The following CNOT2 variants were observed in gnomAD, a reference collection of about 807,000 sequenced individuals.
CNOT2 encodes the protein CC chemokine receptor 4-negative regulator of transcription 2.
In CNOT2, 7 loss-of-function variants were observed where a neutral mutation model predicts 72.1. The observed-to-expected ratio is 0.10, with a 90% CI of 0.06 to 0.18. The LOEUF (loss-of-function observed/expected upper bound fraction) is 0.18, where lower values mean the gene tolerates loss of function less well. CNOT2 is among the 10% of genes least tolerant of loss of function. The pLI is 1.00. For synonymous variants in CNOT2, 196 were observed against 225.6 expected (o/e 0.87, Z 1.17); for missense variants, 345 against 660.3 (o/e 0.52, Z 5.23).
At position 70,278,277 on chromosome 12, in the gene CNOT2, A is replaced by G. The variant is rs769070211; in HGVS notation, c.48+3A>G. On this transcript the variant is annotated splice_donor_region_variant and intron_variant, in intron 2 of 15. Coordinates refer to ENST00000229195, the MANE Select transcript of CNOT2 (RefSeq NM_014515.7). ...TATCTGAGAAAAGAAACTACCAGGT[A>G]AGACCAGTCTTTCTTCTTTTTTCTC... The G allele has an allele frequency of 1.8e-5, 28 of 1,598,582 alleles. No homozygotes were observed. The highest frequency in any genetic ancestry group is 2.4e-5 in the Non-Finnish European group (28 of 1,166,024).
chr12:70,249,674 G>A (rs1958044695), intron 1 of CNOT2, among the ~76,000 whole-genome samples: 1 of 152,054 alleles, frequency 6.6e-6, no homozygotes, highest in Non-Finnish European at 1.5e-5. Flanking sequence ...ACAAGCAGCA[G>A]TAGGAAATTT....
chr12:70,293,387 G>T (rs1029530390), intron 2 of CNOT2, among the ~76,000 whole-genome samples: 9 of 152,094 alleles, frequency 5.9e-5, no homozygotes, highest in Admixed American at 5.9e-4. Context: ...TCAAACTCCC[G>T]ACCTCAGGTG....
rs538750102 is a variant in CNOT2, at chr12:70,312,028, T to C, written c.171+1011T>C. Among the ~76,000 whole-genome samples the C allele has an allele frequency of 2.0e-5, 3 of 152,100 alleles. No individual in the cohort carries two copies. The East Asian group carries it at 5.8e-4, about 29-fold the overall frequency. On this transcript the variant is annotated intron_variant, in intron 3 of 15. Transcript: ENST00000229195. ...TCTGTTTTTGTATTTTCCTTTTTTA[T>C]TTTGATTTGAACATTCTTGTGTCAT... is the stretch of plus-strand genomic sequence containing the variant.
Position 70,283,647 on chromosome 12 carries a change from TAA to T in CNOT2, c.48+5392_48+5393del, listed in dbSNP as rs34501610. On this transcript the variant is annotated intron_variant, in intron 2 of 15. Coordinates refer to ENST00000229195, the MANE Select transcript of CNOT2 (RefSeq NM_014515.7). ...GAGCGACCTAATGAAAGAATGAGTT[TAA>T]AAAAAAAAAAAAAAAAAAGGAAAAA... Among the ~76,000 whole-genome samples, 699 of 122,874 alleles carry T rather than the reference TAA, an allele frequency of 5.7e-3. 6 individuals are homozygous for T. Among genetic ancestry groups the T allele is most frequent in the African/African-American group, 0.02 (633 of 32,422 alleles). 80.6% of individuals were successfully genotyped at this position (122,874 alleles called of 152,430 possible).
At position 70,310,941 on chromosome 12, in the gene CNOT2, G is replaced by A. The variant is rs768196233; in HGVS notation, c.95G>A (p.Gly32Glu). The A allele has an allele frequency of 1.1e-4, 178 of 1,610,628 alleles. No individual in the cohort carries two copies. Among genetic ancestry groups the A allele is most frequent in the Non-Finnish European group, 1.4e-4 (169 of 1,177,484 alleles). Residue 32 changes from glycine to glutamate, a missense_variant, in exon 3 of 16, where the codon GGG (glycine) becomes GAG (glutamate). By Grantham distance (98) the Gly-to-Glu change is moderately conservative. Transcript: ENST00000229195. ...FGASRKKFVEGVDSDYHDENM... is the reference protein window; with the variant it reads ...FGASRKKFVEEVDSDYHDENM... ...GCTTCAAGAAAGAAGTTTGTAGAGG[G>A]GGTCGACAGTGACTACCATGACGAA...
chr12:70,317,914 C>T (rs1438203420), intron 3 of CNOT2, among the ~76,000 whole-genome samples: 1 of 151,862 alleles, frequency 6.6e-6, no homozygotes, highest in African/African-American at 2.4e-5. Flanking sequence ...TGTTTCACTT[C>T]TTGGTTTTTC....
chr12:70,271,846 T>G (rs1420073565), intron 1 of CNOT2, among the ~76,000 whole-genome samples: 1 of 152,340 alleles, frequency 6.6e-6, no homozygotes, highest in Non-Finnish European at 1.5e-5. Flanking sequence ...TATTTGCCTT[T>G]AAGGTCTTGT....
chr12:70,339,999 C>T (rs529424561), intron 11 of CNOT2, among the ~76,000 whole-genome samples: 4 of 152,286 alleles, frequency 2.6e-5, no homozygotes, highest in Non-Finnish European at 4.4e-5. Flanking sequence ...TTACTTCTCT[C>T]ATCTTAGAAG....
intron 11 of CNOT2, 83 bp downstream of exon 11, chr12:70,338,905 C>G: frequency 8.8e-7 from 1 of 1,142,338 alleles, no homozygotes; most frequent in South Asian, 1.4e-5. Flanking sequence ...CAAATTATCT[C>G]ACCTACTGCT....
intron 2 of CNOT2, among the ~76,000 whole-genome samples, chr12:70,309,794 A>G (rs1287577644): frequency 6.6e-6 from 1 of 152,118 alleles, no homozygotes; most frequent in East Asian, 1.9e-4. Context: ...TTGACCTTAA[A>G]TAACTTTAGT....
intron 11 of CNOT2, among the ~76,000 whole-genome samples, chr12:70,339,186 G>A (rs1881158071): frequency 6.6e-6 from 1 of 151,516 alleles, no homozygotes; most frequent in Admixed American, 6.6e-5. Context: ...GTATACTTCA[G>A]CCACTCCTTT....
At chr12:70,278,387 A>T (rs1185861037) in intron 2 of CNOT2, 113 bp downstream of exon 2, 1 of 622,014 alleles carries the variant, frequency 1.6e-6, no homozygotes, top group African/African-American at 1.9e-5. Context: ...CAATTTGAAA[A>T]TTTGGGTTTA....
At chr12:70,333,227 A>G (rs908731173) in intron 7 of CNOT2, among the ~76,000 whole-genome samples, 3 of 151,914 alleles carry the variant, frequency 2.0e-5, no homozygotes, top group Admixed American at 1.3e-4. Context: ...CATTCTGGCT[A>G]TGGAGATCCA....
At chr12:70,305,423 G>T (rs1252966408) in intron 2 of CNOT2, among the ~76,000 whole-genome samples, 1 of 152,112 alleles carries the variant, frequency 6.6e-6, no homozygotes, top group Non-Finnish European at 1.5e-5. Flanking sequence ...GATTATTACA[G>T]TTCAAGGTGA....
At chr12:70,281,299 G>A (rs1354795698) in intron 2 of CNOT2, among the ~76,000 whole-genome samples, 1 of 151,972 alleles carries the variant, frequency 6.6e-6, no homozygotes, top group Non-Finnish European at 1.5e-5. Context: ...TGGTCAGGCT[G>A]GCCTCGAACT....
chr12:70,257,986 G>A (rs1958543653), intron 1 of CNOT2, among the ~76,000 whole-genome samples: 2 of 152,092 alleles, frequency 1.3e-5, no homozygotes, highest in South Asian at 4.1e-4. Context: ...AGTATGTTGT[G>A]TTAACAAAAA....
chr12:70,343,980 C>T (rs1219597509), intron 13 of CNOT2, 148 bp from the exon 14 acceptor site: 2 of 474,140 alleles, frequency 4.2e-6, no homozygotes, highest in African/African-American at 4.0e-5. Context: ...TCTTAACTAC[C>T]TATCTGTGTA....
Position 70,330,429 on chromosome 12 carries a change from CCAAAGCAGCAGCCTT to C in CNOT2, c.531_545del (p.Lys178_Ser182del). ...AAGCTCGCCAAGCATAATATGTATG[CCAAAGCAGCAGCCTT>C]CTCGACAGCCTTTTACTGTGAACAG... On this transcript the variant is annotated inframe_deletion, in exon 6 of 16. Transcript: ENST00000229195. 6.2e-7 allele frequency: 1 copy of C among 1,612,402 alleles called. No individual in the cohort carries two copies. The highest frequency in any genetic ancestry group is 8.5e-7 in the Non-Finnish European group (1 of 1,178,948).
chr12:70,257,767 G>C (rs1958533223), intron 1 of CNOT2, among the ~76,000 whole-genome samples: 1 of 152,116 alleles, frequency 6.6e-6, no homozygotes, highest in Non-Finnish European at 1.5e-5. Flanking sequence ...ACTAGATCAT[G>C]AGTAGGGACA....
Sources: allele counts gnomAD v4.1 joint callset (sites outside exome capture counted in the v4.1 genomes callset), GRCh38; gene constraint gnomAD v4.1.1; transcripts MANE v1.5; gene names NCBI Gene and HGNC (gene_info 2026-07-23, HGNC 2026-07-21).